The following MPHOSPH9 variants were observed in gnomAD, a reference collection of about 807,000 sequenced individuals.
The protein encoded by MPHOSPH9 is M-phase phosphoprotein 9.
Under a neutral mutation model 145.5 loss-of-function variants are expected in MPHOSPH9, and 88 were observed. The observed-to-expected ratio is 0.60, with a 90% CI of 0.51 to 0.72. The LOEUF is 0.72. Among genes scored for constraint, MPHOSPH9 ranks in the 30% least tolerant of loss-of-function variants. MPHOSPH9 has a pLI of 0.00. For synonymous variants in MPHOSPH9, 435 were observed against 486.2 expected (o/e 0.89, Z 1.39); for missense variants, 1,238 against 1,386.6 (o/e 0.89, Z 1.70).
intron 21 of MPHOSPH9, 67 bp downstream of exon 21, chr12:123,162,046 CTG>C (rs2044132914): frequency 2.0e-6 from 2 of 1,008,852 alleles, no homozygotes; most frequent in Non-Finnish European, 1.4e-6. Flanking sequence ...ATTTAGAACA[CTG>C]AGAGATACCA....
intron 7 of MPHOSPH9, among the ~76,000 whole-genome samples, chr12:123,213,515 C>G (rs2046833978): frequency 6.6e-6 from 1 of 151,958 alleles, no homozygotes; most frequent in Non-Finnish European, 1.5e-5. Context: ...TTTTTTGACT[C>G]TTTTGTAGAG....
intron 23 of MPHOSPH9, among the ~76,000 whole-genome samples, chr12:123,158,290 C>T (rs2043956666): frequency 6.6e-6 from 1 of 152,140 alleles, no homozygotes. Flanking sequence ...CCACTGCACC[C>T]AGCCGTGTAT....
chr12:123,223,070 CA>C lies in MPHOSPH9; in HGVS notation c.315del (p.Ala106ProfsTer17), dbSNP rs1373102508. 6.6e-7 allele frequency: 1 copy of C among 1,511,574 alleles called. No individual in the cohort carries two copies. The allele number at this position is 1,511,574 out of a possible 1,614,324, so 93.6% of individuals were successfully genotyped here. A position where few individuals can be genotyped will look rare whatever the true frequency, so the allele number is the denominator to read the frequency against. ...LVEKQCQEQI[V>X]AQQEQFHNQI... ...TGGTTGTGGAACTGCTCCTGCTGGG[CA>C]ACTATCTGTTCTTGGCATTGTTTTT... On this transcript the variant is annotated frameshift_variant, in exon 4 of 24. Transcript: ENST00000606320. LOFTEE classifies it high-confidence loss of function.
chr12:123,162,349 T>C (rs2044148627), intron 20 of MPHOSPH9, 131 bp from the exon 21 acceptor site: 2 of 431,514 alleles, frequency 4.6e-6, no homozygotes, highest in African/African-American at 4.0e-5. Flanking sequence ...GCTGGTTATG[T>C]AATTGTCTAA....
intron 14 of MPHOSPH9, among the ~76,000 whole-genome samples, chr12:123,180,417 T>C (rs2045075310): frequency 6.6e-6 from 1 of 152,198 alleles, no homozygotes. Context: ...CTCCATTCTA[T>C]GCAACAGAAA....
upstream of MPHOSPH9, among the ~76,000 whole-genome samples, chr12:123,237,813 GCAGGAGGATGAGCTAA>G (rs1271208064): frequency 3.9e-5 from 6 of 152,288 alleles, no homozygotes; most frequent in African/African-American, 1.2e-4. Context: ...GATACCTACA[GCAGGAGGATGAGCTAA>G]CAGGAGGATG....
At chr12:123,239,006 C>T (rs1156873983) in intron 1 of MPHOSPH9, among the ~76,000 whole-genome samples, 1 of 152,204 alleles carries the variant, frequency 6.6e-6, no homozygotes, top group Admixed American at 6.5e-5. Flanking sequence ...TGCAGTGGCT[C>T]ACACCTGTAA....
At position 123,155,488 on chromosome 12, in the gene MPHOSPH9, G is replaced by C. The variant is rs184193073; in HGVS notation, c.*1319C>G. Reference sequence around the variant, plus strand: ...TCATTCTAACTACTTATTATTAAGAGCCACATAAAGAGGAAAAGCTCAAAA... The same window carrying C: ...TCATTCTAACTACTTATTATTAAGACCCACATAAAGAGGAAAAGCTCAAAA... On this transcript the variant is annotated 3_prime_UTR_variant, in exon 24 of 24. Transcript: ENST00000606320. 7 of 152,278 alleles carry C rather than the reference G, an allele frequency of 4.6e-5. No individual in the cohort carries two copies. The highest frequency in any genetic ancestry group is 1.7e-4 in the African/African-American group (7 of 41,540). 9.4% of individuals were successfully genotyped at this position (152,278 alleles called of 1,614,324 possible). A position where few individuals can be genotyped will look rare whatever the true frequency, so the allele number is the denominator to read the frequency against.
chr12:123,198,311 A>AGC lies in MPHOSPH9; in HGVS notation c.1960_1961insGC (p.Leu654CysfsTer9). 6.2e-7 allele frequency: 1 copy of AGC among 1,612,366 alleles called. No individual in the cohort carries two copies. Among genetic ancestry groups the AGC allele is most frequent in the South Asian group, 1.1e-5 (1 of 90,792 alleles). ...TCTCACGCGACTAGTAGCTTCATGC[A>AGC]AAGCACTATCTAATTGGCCACATCT... On this transcript the variant is annotated frameshift_variant, in exon 12 of 24. Coordinates refer to ENST00000606320, the MANE Select transcript of MPHOSPH9 (RefSeq NM_022782.4). LOFTEE classifies it high-confidence loss of function.
chr12:123,223,040 GA>G lies in MPHOSPH9; in HGVS notation c.345del (p.Gln116AsnfsTer7), dbSNP rs2047279403. On this transcript the variant is annotated frameshift_variant, in exon 4 of 24. Coordinates refer to ENST00000606320, the MANE Select transcript of MPHOSPH9 (RefSeq NM_022782.4). LOFTEE classifies it high-confidence loss of function. Reference protein sequence around the residue: ...VAQQEQFHNQIQHIQEEIKNL... With the variant: ...VAQQEQFHNQXQHIQEEIKNL... ...AATCAATGTAAATGGTAACTTACTT[GA>G]ATTTGGTTGTGGAACTGCTCCTGCT... is the stretch of plus-strand genomic sequence containing the variant. 2.6e-6 allele frequency: 4 copies of G among 1,514,150 alleles called. No individual in the cohort carries two copies. Among genetic ancestry groups the G allele is most frequent in the Non-Finnish European group, 3.5e-6 (4 of 1,136,040 alleles). 93.8% of individuals were successfully genotyped at this position (1,514,150 alleles called of 1,614,324 possible). A position where few individuals can be genotyped will look rare whatever the true frequency, so the allele number is the denominator to read the frequency against.
In MPHOSPH9 at chr12:123,218,246, C is replaced by CA. The variant is rs139869674; in HGVS notation, c.996+129dup. On this transcript the variant is annotated intron_variant, in intron 6 of 23. Coordinates refer to ENST00000606320, the MANE Select transcript of MPHOSPH9 (RefSeq NM_022782.4). ...AAACTCCGTCTCAAAAAAACAACAA[C>CA]AAAAAAAATGTATAAATGAACAAAT... 7.9e-3 allele frequency: 10,535 copies of CA among 1,341,030 alleles called. 610 individuals are homozygous for CA. In the African/African-American group the frequency reaches 0.14, roughly 18 times the overall value. The allele number at this position is 1,341,030 out of a possible 1,614,324, so 83.1% of individuals were successfully genotyped here.
chr12:123,198,444 G>T, intron 11 of MPHOSPH9, 110 bp from the exon 12 acceptor site: 1 of 831,212 alleles, frequency 1.2e-6, no homozygotes, highest in Non-Finnish European at 1.9e-6. Context: ...ATTCTCCAGT[G>T]TTAACTAAGA....
chr12:123,194,523 T>C lies in MPHOSPH9; in HGVS notation c.2104A>G (p.Ser702Gly), dbSNP rs2045857080. 5 of 1,613,268 alleles carry C rather than the reference T, an allele frequency of 3.1e-6. No individual in the cohort carries two copies. Among genetic ancestry groups the C allele is most frequent in the Non-Finnish European group, 4.2e-6 (5 of 1,179,922 alleles). The part of the protein sequence containing the change: ...LQERIEEMRT[S>G]SKEKDNTIIR... ...ATGGTATTGTCTTTTTCTTTACTGC[T>C]TGTTCTCATTTCTTCAATTCGTTCC... is the stretch of plus-strand genomic sequence containing the variant. The change falls in exon 13 of 24, where the codon AGC (serine) becomes GGC (glycine). Residue 702 changes from serine to glycine, a missense_variant. By Grantham distance (56) the Ser-to-Gly change is moderately conservative. This residue lies in a region of MPHOSPH9 where 837 missense variants were observed against 897.5 expected (regional missense o/e 0.93). Transcript: ENST00000606320.
chr12:123,203,866 T>C (rs916724456), intron 8 of MPHOSPH9, among the ~76,000 whole-genome samples: 6 of 152,166 alleles, frequency 3.9e-5, no homozygotes, highest in Admixed American at 1.3e-4. Flanking sequence ...CTATTTTTTT[T>C]TGTAGAGACA....
At chr12:123,197,031 G>GTTTTTT (rs56061451) in intron 12 of MPHOSPH9, among the ~76,000 whole-genome samples, 2 of 72,988 alleles carry the variant, frequency 2.7e-5, no homozygotes, top group African/African-American at 5.7e-5. Context: ...AGGGGTGTGG[G>GTTTTTT]TTTTTTTTTT....
At chr12:123,162,348 G>A (rs904108657) in intron 20 of MPHOSPH9, 130 bp from the exon 21 acceptor site, 5 of 432,010 alleles carry the variant, frequency 1.2e-5, no homozygotes, top group Middle Eastern at 1.2e-3. Context: ...AGCTGGTTAT[G>A]TAATTGTCTA....
At chr12:123,167,349 C>T (rs546829737) in intron 16 of MPHOSPH9, among the ~76,000 whole-genome samples, 14 of 152,216 alleles carry the variant, frequency 9.2e-5, no homozygotes, top group Admixed American at 5.9e-4. Context: ...AAAAATGGAG[C>T]TGGGAGGCAC....
At chr12:123,193,388 G>T (rs563451026) in intron 13 of MPHOSPH9, among the ~76,000 whole-genome samples, 150 of 152,278 alleles carry the variant, frequency 9.9e-4, no homozygotes, top group African/African-American at 3.5e-3. Context: ...AGGGAAGACT[G>T]CTGTTTTTCA....
chr12:123,160,739 G>A, intron 23 of MPHOSPH9, 42 bp downstream of exon 23: 1 of 1,563,096 alleles, frequency 6.4e-7, no homozygotes, highest in East Asian at 2.2e-5. Flanking sequence ...AACACTGACT[G>A]GCATCAAGCC....
Sources: allele counts gnomAD v4.1 joint callset (sites outside exome capture counted in the v4.1 genomes callset), GRCh38; gene constraint gnomAD v4.1.1; regional missense constraint gnomAD v4.1.1; transcripts MANE v1.5; gene names NCBI Gene and HGNC (gene_info 2026-07-23, HGNC 2026-07-21).